Variants in LYPD5 observed in about 807,000 individuals in gnomAD.
LYPD5 encodes the protein ly6/PLAUR domain-containing protein 5.
Under a neutral mutation model 19.1 loss-of-function variants are expected in LYPD5, and 21 were observed. The observed-to-expected ratio is 1.10, with a 90% CI of 0.78 to 1.58. The LOEUF is 1.58. Ranked by LOEUF, LYPD5 falls within the 40% of genes most tolerant of loss-of-function variation. The pLI, the probability that LYPD5 is intolerant of heterozygous loss-of-function variation, is 0.00. For missense variants in LYPD5, 287 were observed against 329.8 expected (o/e 0.87, Z 1.00); for synonymous variants, 128 against 142.7 (o/e 0.90, Z 0.74).
chr19:43,802,561 G>GACCAC, upstream of LYPD5: 1 of 290,956 alleles, frequency 3.4e-6, no homozygotes, highest in Non-Finnish European at 5.8e-6. Context: ...ATCCTCAGTT[G>GACCAC]CTGGAGATCT....
chr19:43,816,879 T>G (rs563647389), intron 1 of LYPD5, among the ~76,000 whole-genome samples: 85 of 152,326 alleles, frequency 5.6e-4, no homozygotes, highest in African/African-American at 2.0e-3. Context: ...GGAAACCCTT[T>G]TTGCTTGGCT....
intron 1 of LYPD5, among the ~76,000 whole-genome samples, chr19:43,815,343 A>C (rs1970362551): frequency 6.6e-6 from 1 of 152,060 alleles, no homozygotes; most frequent in African/African-American, 2.4e-5. Flanking sequence ...TATTTCTAAA[A>C]AAAAAAAGAA....
At chr19:43,814,312 G>A (rs1171280656) in intron 1 of LYPD5, among the ~76,000 whole-genome samples, 1 of 152,090 alleles carries the variant, frequency 6.6e-6, no homozygotes, top group Admixed American at 6.6e-5. Flanking sequence ...GGCAACATAG[G>A]GAGACCCCAT....
At chr19:43,802,491 C>T (rs1970236744), upstream of LYPD5, 11 of 924,038 alleles carry the variant, frequency 1.2e-5, no homozygotes, top group South Asian at 2.9e-5. Flanking sequence ...AGTATTTCTT[C>T]GTCCCACCCT....
chr19:43,805,569 G>A (rs1297275407), upstream of LYPD5, among the ~76,000 whole-genome samples: 3 of 152,106 alleles, frequency 2.0e-5, no homozygotes, highest in East Asian at 1.9e-4. Context: ...GTGCAGTGGC[G>A]CCATCTTGGC....
intron 1 of LYPD5, among the ~76,000 whole-genome samples, chr19:43,814,075 C>T (rs1970349384): frequency 6.6e-6 from 1 of 152,204 alleles, no homozygotes; most frequent in African/African-American, 2.4e-5. Flanking sequence ...CATACTTCTT[C>T]CTAGACCTAC....
chr19:43,814,906 T>C (rs569652895), intron 1 of LYPD5, among the ~76,000 whole-genome samples: 2 of 152,360 alleles, frequency 1.3e-5, no homozygotes, highest in South Asian at 4.1e-4. Flanking sequence ...AGATACTTGA[T>C]GTCCCATGGT....
intron 1 of LYPD5, among the ~76,000 whole-genome samples, chr19:43,801,393 C>T (rs1288250201): frequency 6.6e-6 from 1 of 152,042 alleles, no homozygotes; most frequent in Non-Finnish European, 1.5e-5. Flanking sequence ...CACAGTTACT[C>T]AGGAGGCTGA....
chr19:43,810,853 C>T (rs934830312), intron 1 of LYPD5, among the ~76,000 whole-genome samples: 1 of 151,936 alleles, frequency 6.6e-6, no homozygotes, highest in East Asian at 1.9e-4. Context: ...TGGTCTTGAA[C>T]TCCTGACCTT....
At chr19:43,818,791 C>T (rs1970394414) in intron 1 of LYPD5, among the ~76,000 whole-genome samples, 1 of 152,190 alleles carries the variant, frequency 6.6e-6, no homozygotes, top group African/African-American at 2.4e-5. Flanking sequence ...TGTGTCTGAA[C>T]TCTTTCTTAA....
chr19:43,799,318 A>T (rs1393688754), intron 2 of LYPD5, among the ~76,000 whole-genome samples: 4 of 151,936 alleles, frequency 2.6e-5, no homozygotes, highest in Non-Finnish European at 5.9e-5. Flanking sequence ...ATTTCGGCTC[A>T]CTGCAACCTC....
In LYPD5 at chr19:43,799,779, G is replaced by A. The variant is rs1237122083; in HGVS notation, c.120C>T (p.Asp40=). The change falls in exon 2 of 5, where the codon GAC becomes GAT. Residue 40 remains aspartate (D), a synonymous_variant. Transcript: ENST00000377950. ...TGCTGGGCAGCTTCATGGCCCTGAG[G>A]TCAAAGGGGCCAAAGTAGGTGTGCT... is the stretch of plus-strand genomic sequence containing the variant. ...SFEHTYFGPF[D]LRAMKLPSIS... 4 of 1,613,854 alleles carry A rather than the reference G, an allele frequency of 2.5e-6. No homozygotes were observed. The Admixed American group carries it at 5.0e-5, about 20-fold the overall frequency.
At chr19:43,813,127 G>T (rs1247201611) in intron 1 of LYPD5, among the ~76,000 whole-genome samples, 1 of 152,206 alleles carries the variant, frequency 6.6e-6, no homozygotes, top group African/African-American at 2.4e-5. Flanking sequence ...GAGGTAGCTG[G>T]CTGGTCTCCT....
At chr19:43,809,688 G>A (rs1970303480) in intron 1 of LYPD5, among the ~76,000 whole-genome samples, 1 of 152,322 alleles carries the variant, frequency 6.6e-6, no homozygotes. Flanking sequence ...CACTGTGCCT[G>A]GCCAGGACTT....
intron 1 of LYPD5, among the ~76,000 whole-genome samples, chr19:43,808,267 G>A (rs945171467): frequency 6.6e-6 from 1 of 151,964 alleles, no homozygotes; most frequent in Admixed American, 6.6e-5. Context: ...CACCACGCCT[G>A]GCTAATTTTT....
chr19:43,816,814 C>G (rs969453227), intron 1 of LYPD5, among the ~76,000 whole-genome samples: 2 of 152,054 alleles, frequency 1.3e-5, no homozygotes, highest in Non-Finnish European at 2.9e-5. Context: ...TGGTTTCCCC[C>G]ATACCGTTCT....
intron 4 of LYPD5, 84 bp downstream of exon 4, chr19:43,798,371 T>G: frequency 6.6e-7 from 1 of 1,518,776 alleles, no homozygotes; most frequent in Non-Finnish European, 9.0e-7. Flanking sequence ...GTCTCCCTGT[T>G]GGGCCTGTCT....
In LYPD5 at chr19:43,812,887, T is replaced by A. The variant is rs995674838; in HGVS notation, c.-66+7653A>T. Among the ~76,000 whole-genome samples the A allele has an allele frequency of 2.6e-5, 4 of 152,220 alleles. No individual in the cohort carries two copies. The South Asian group carries it at 8.3e-4, about 32-fold the overall frequency. ...CATCACCATGGAAATGGGTGGTAAC[T>A]TCCGGGTATTGCCATGGCAATGGTA... On this transcript the variant is annotated intron_variant, in intron 1 of 4. Coordinates refer to the LYPD5 transcript ENST00000414615.
Position 43,797,703 on chromosome 19 carries a change from C to T in LYPD5, c.644G>A (p.Arg215Lys). The change falls in exon 5 of 5, where the codon AGG (arginine) becomes AAG (lysine). Residue 215 changes from arginine to lysine, a missense_variant. Transcript: ENST00000377950. ...GSCCEGYLCNRKSMTQPFTSA... is the reference protein window; with the variant it reads ...GSCCEGYLCNKKSMTQPFTSA... ...GGTGAAGGGCTGGGTCATGGATTTC[C>T]TGTTGCAGAGGTACCCCTCACAGCA... 1 of 1,613,758 alleles carries T rather than the reference C, an allele frequency of 6.2e-7. No homozygotes were observed. The highest frequency in any genetic ancestry group is 8.5e-7 in the Non-Finnish European group (1 of 1,179,902).
Sources: gnomAD v4.1 joint callset for allele counts (sites outside exome capture counted in the v4.1 genomes callset) on GRCh38, gnomAD v4.1.1 for gene constraint, MANE v1.5 for transcripts, NCBI Gene and HGNC (gene_info 2026-07-23, HGNC 2026-07-21) for gene names.